The following MGMT variants were observed in gnomAD, a reference collection of about 807,000 sequenced individuals.
MGMT encodes the protein methylated-DNA--protein-cysteine methyltransferase.
In MGMT, 14 loss-of-function variants were observed where a neutral mutation model predicts 15.9. That is an observed-to-expected ratio of 0.88 (90% CI 0.58 to 1.37). The LOEUF (loss-of-function observed/expected upper bound fraction) is 1.37. Among genes scored for constraint, MGMT ranks in the 40% most tolerant of loss-of-function variants. The pLI is 0.00. For missense variants in MGMT, 282 were observed against 268.1 expected (o/e 1.05, Z -0.36); for synonymous variants, 130 against 118.2 (o/e 1.10, Z -0.65).
intron 2 of MGMT, among the ~76,000 whole-genome samples, chr10:129,557,086 G>A (rs1263837726): frequency 1.3e-5 from 2 of 152,180 alleles, no homozygotes; most frequent in Non-Finnish European, 2.9e-5. Flanking sequence ...AGTGGAGCGG[G>A]AAATACAGAT....
Position 129,541,370 on chromosome 10 carries a change from C to T in MGMT, c.125+4993C>T, listed in dbSNP as rs55748359. Among the ~76,000 whole-genome samples the T allele has an allele frequency of 7.2e-5, 11 of 152,342 alleles. No homozygotes were observed. The East Asian group carries it at 1.5e-3, about 21-fold the overall frequency. On this transcript the variant is annotated intron_variant, in intron 2 of 4. Transcript: ENST00000651593. Reference sequence around the variant, plus strand: ...CAGGAGCACTTGGCCTCTGCAAGAGCGGAGCAGCTCCCCCGCGCCATCTTC... The same window carrying T: ...CAGGAGCACTTGGCCTCTGCAAGAGTGGAGCAGCTCCCCCGCGCCATCTTC...
At chr10:129,486,906 A>C (rs1333223481) in intron 1 of MGMT, among the ~76,000 whole-genome samples, 21 of 152,240 alleles carry the variant, frequency 1.4e-4, no homozygotes, top group Admixed American at 1.4e-3. Flanking sequence ...ACTGTCATTA[A>C]TGCCTCTGGC....
At chr10:129,632,804 G>A (rs10829610) in intron 2 of MGMT, among the ~76,000 whole-genome samples, 49,942 of 151,590 alleles carry the variant, frequency 0.33, 9,028 homozygotes, top group African/African-American at 0.48. Flanking sequence ...AGTCAAGTTC[G>A]GAAGATTCTC....
At chr10:129,598,557 T>C (rs1207870278) in intron 2 of MGMT, among the ~76,000 whole-genome samples, 4 of 152,104 alleles carry the variant, frequency 2.6e-5, no homozygotes, top group African/African-American at 4.8e-5. Context: ...ATAAACACAA[T>C]TGGGAGAACC....
chr10:129,526,856 GCAGGAACTGGCCTCTGGCGC>G (rs1236879234), intron 1 of MGMT, among the ~76,000 whole-genome samples: 1 of 152,216 alleles, frequency 6.6e-6, no homozygotes, highest in Non-Finnish European at 1.5e-5. Flanking sequence ...TTTTAATATG[GCAGGAACTGGCCTCTGGCGC>G]CAACTGCTTA....
At chr10:129,469,692 G>A (rs951161407) in intron 1 of MGMT, among the ~76,000 whole-genome samples, 1 of 152,128 alleles carries the variant, frequency 6.6e-6, no homozygotes, top group African/African-American at 2.4e-5. Flanking sequence ...AAGAGCTGGG[G>A]TCTTACCGCA....
In MGMT at chr10:129,768,647, C is replaced by T. The variant is rs1018488428; in HGVS notation, c.*1650C>T. Among the ~76,000 whole-genome samples, 9 of 152,270 alleles carry T rather than the reference C, an allele frequency of 5.9e-5. No individual in the cohort carries two copies. Among genetic ancestry groups the T allele is most frequent in the African/African-American group, 2.2e-4 (9 of 41,478 alleles). The stretch of plus-strand genomic sequence containing the variant: ...CTCTGCATGAACAGAACAGAAGCTT[C>T]TGGCTCTCCAAGGCAGCAGCTTGGG... On this transcript the variant is annotated 3_prime_UTR_variant, in exon 5 of 5. Coordinates refer to ENST00000651593, the MANE Select transcript of MGMT (RefSeq NM_002412.5).
intron 2 of MGMT, among the ~76,000 whole-genome samples, chr10:129,569,355 C>T (rs1846391561): frequency 6.6e-6 from 1 of 152,184 alleles, no homozygotes; most frequent in Admixed American, 6.5e-5. Flanking sequence ...TTACGGCTAG[C>T]CTGCGAGTGG....
chr10:129,756,672 A>G (rs1020533724), intron 3 of MGMT, among the ~76,000 whole-genome samples: 1 of 152,036 alleles, frequency 6.6e-6, no homozygotes, highest in African/African-American at 2.4e-5. Context: ...GTTTCACCAT[A>G]TTGGCTAGGA....
chr10:129,515,796 AC>A (rs1266018829), intron 1 of MGMT, among the ~76,000 whole-genome samples: 2 of 152,128 alleles, frequency 1.3e-5, no homozygotes, highest in Non-Finnish European at 2.9e-5. Flanking sequence ...GGGAGTAATT[AC>A]CCATGTTGAT....
intron 2 of MGMT, among the ~76,000 whole-genome samples, chr10:129,631,288 A>G (rs1847206997): frequency 1.3e-5 from 2 of 152,198 alleles, no homozygotes; most frequent in South Asian, 2.1e-4. Context: ...CTCTGTTTTC[A>G]TAGCTGTGTT....
At chr10:129,498,946 A>G (rs563242934) in intron 1 of MGMT, among the ~76,000 whole-genome samples, 2 of 152,316 alleles carry the variant, frequency 1.3e-5, no homozygotes, top group Admixed American at 6.5e-5. Context: ...TGCTGTCTGC[A>G]TGCATGTTAA....
At chr10:129,493,802 G>A (rs905501764) in intron 1 of MGMT, among the ~76,000 whole-genome samples, 2 of 152,144 alleles carry the variant, frequency 1.3e-5, no homozygotes, top group Non-Finnish European at 2.9e-5. Flanking sequence ...GCCCTTTTCA[G>A]AAAGGTTTGC....
chr10:129,677,453 C>T (rs1275283264), intron 2 of MGMT, among the ~76,000 whole-genome samples: 1 of 152,186 alleles, frequency 6.6e-6, no homozygotes, highest in African/African-American at 2.4e-5. Flanking sequence ...TAGCCAACCT[C>T]AGGTTTTCGC....
At chr10:129,503,509 A>G (rs376390411) in intron 1 of MGMT, among the ~76,000 whole-genome samples, 1 of 152,238 alleles carries the variant, frequency 6.6e-6, no homozygotes, top group African/African-American at 2.4e-5. Flanking sequence ...TGTTGCAATA[A>G]GGGAGGGAGA....
At chr10:129,605,663 T>C (rs544096875) in intron 2 of MGMT, among the ~76,000 whole-genome samples, 3 of 152,354 alleles carry the variant, frequency 2.0e-5, no homozygotes, top group Non-Finnish European at 4.4e-5. Flanking sequence ...GTGTTACCAG[T>C]GCATTTCCCT....
intron 3 of MGMT, among the ~76,000 whole-genome samples, chr10:129,710,223 C>G (rs561000984): frequency 6.6e-6 from 1 of 152,330 alleles, no homozygotes; most frequent in South Asian, 2.1e-4. Context: ...TAAAGGCTGT[C>G]TGGCTCCCCC....
chr10:129,720,038 A>G (rs535320026), intron 3 of MGMT, among the ~76,000 whole-genome samples: 22 of 152,194 alleles, frequency 1.4e-4, no homozygotes, highest in Non-Finnish European at 2.5e-4. Flanking sequence ...TTTGCAGCCA[A>G]CAGAACTTCC....
chr10:129,487,092 GCCT>G (rs1452779336), intron 1 of MGMT, among the ~76,000 whole-genome samples: 2 of 152,096 alleles, frequency 1.3e-5, no homozygotes, highest in Non-Finnish European at 2.9e-5. Context: ...CCCAGCACTA[GCCT>G]CCTGCTTGTT....
Sources: gnomAD v4.1 joint callset for allele counts (sites outside exome capture counted in the v4.1 genomes callset) on GRCh38, gnomAD v4.1.1 for gene constraint, MANE v1.5 for transcripts, NCBI Gene and HGNC (gene_info 2026-07-23, HGNC 2026-07-21) for gene names.